CHST8: variants seen among roughly 807,000 people sequenced by gnomAD.
The protein encoded by CHST8 is GALNAC-4-ST1.
CHST8 carries 10 observed loss-of-function variants against 15.0 expected under a neutral mutation model. That is an observed-to-expected ratio of 0.67 (90% confidence interval 0.41 to 1.13). The LOEUF is 1.13. Among genes scored for constraint, CHST8 ranks in the 50% most tolerant of loss-of-function variants. The pLI, the probability that CHST8 is intolerant of heterozygous loss-of-function variation, is 0.00. For missense variants in CHST8, 634 were observed against 608.2 expected (o/e 1.04, Z -0.45); for synonymous variants, 259 against 256.6 (o/e 1.01, Z -0.09).
chr19:33,750,916 C>T (rs891017128), intron 3 of CHST8, among the ~76,000 whole-genome samples: 2 of 151,858 alleles, frequency 1.3e-5, no homozygotes, highest in Admixed American at 6.6e-5. Flanking sequence ...CCACCCAGCC[C>T]TGCAACCCTC....
At chr19:33,699,816 G>A (rs868731887) in intron 3 of CHST8, among the ~76,000 whole-genome samples, 1 of 152,154 alleles carries the variant, frequency 6.6e-6, no homozygotes, top group Non-Finnish European at 1.5e-5. Flanking sequence ...CAGAAGGTCT[G>A]TCCAGCTCCT....
chr19:33,644,213 A>G (rs886294375), intron 1 of CHST8, among the ~76,000 whole-genome samples: 2 of 152,154 alleles, frequency 1.3e-5, no homozygotes, highest in Non-Finnish European at 2.9e-5. Context: ...GATTACAGGC[A>G]TGAGCCAGTG....
At chr19:33,653,367 A>G (rs898011693) in intron 1 of CHST8, among the ~76,000 whole-genome samples, 2 of 152,070 alleles carry the variant, frequency 1.3e-5, no homozygotes, top group Admixed American at 1.3e-4. Flanking sequence ...TTTGTGTATA[A>G]TGTCTTTCTC....
chr19:33,722,802 C>T (rs1203951289), intron 3 of CHST8, among the ~76,000 whole-genome samples: 1 of 152,220 alleles, frequency 6.6e-6, no homozygotes, highest in African/African-American at 2.4e-5. Context: ...TCTCTTTTCT[C>T]CCTGCTTTGA....
chr19:33,640,862 G>A (rs1972274715), intron 1 of CHST8, among the ~76,000 whole-genome samples: 1 of 152,116 alleles, frequency 6.6e-6, no homozygotes, highest in East Asian at 1.9e-4. Context: ...CTCTGCCCAG[G>A]TGTGGGGGCT....
chr19:33,694,168 TCATATATATATATA>T (rs1456563996), intron 3 of CHST8, among the ~76,000 whole-genome samples: 3 of 42,954 alleles, frequency 7.0e-5, no homozygotes, highest in Admixed American at 2.8e-4. Flanking sequence ...TGTAGTTTAT[TCATATATATATATA>T]TATATATATA....
At chr19:33,756,366 C>T (rs780617701) in intron 3 of CHST8, among the ~76,000 whole-genome samples, 7 of 152,176 alleles carry the variant, frequency 4.6e-5, no homozygotes, top group African/African-American at 1.4e-4. Context: ...CCTCCCAAAC[C>T]GAGGTATGTG....
At chr19:33,672,030 T>G (rs1280754426) in intron 2 of CHST8, among the ~76,000 whole-genome samples, 3 of 152,252 alleles carry the variant, frequency 2.0e-5, no homozygotes, top group East Asian at 1.9e-4. Flanking sequence ...TGTGTATGTA[T>G]GTATATATAT....
chr19:33,769,630 T>C (rs36001686), intron 3 of CHST8, among the ~76,000 whole-genome samples: 16,957 of 151,570 alleles, frequency 0.11, 1,106 homozygotes, highest in Admixed American at 0.16. Flanking sequence ...AGGAGGGAAA[T>C]AGACTCTGGG....
chr19:33,719,232 C>T (rs561919609), intron 3 of CHST8, among the ~76,000 whole-genome samples: 3 of 138,782 alleles, frequency 2.2e-5, no homozygotes, highest in African/African-American at 7.9e-5. Context: ...AGGCAAATAC[C>T]TTCTGTCAGC....
At chr19:33,757,447 AAAG>A in intron 3 of CHST8, among the ~76,000 whole-genome samples, 1 of 30,378 alleles carries the variant, frequency 3.3e-5, no homozygotes, top group Non-Finnish European at 6.9e-5. Flanking sequence ...AGAAAGAAAG[AAAG>A]AAAGAAAGAA....
chr19:33,740,468 G>A (rs77586125), intron 3 of CHST8, among the ~76,000 whole-genome samples: 1 of 152,218 alleles, frequency 6.6e-6, no homozygotes, highest in Non-Finnish European at 1.5e-5. Flanking sequence ...GACAAAGACA[G>A]CTTGCTGGAC....
chr19:33,716,812 C>T (rs1158197135), intron 3 of CHST8, among the ~76,000 whole-genome samples: 2 of 152,170 alleles, frequency 1.3e-5, no homozygotes, highest in Non-Finnish European at 2.9e-5. Context: ...GCTTAAACAA[C>T]AGAAATGTGT....
Position 33,679,947 on chromosome 19 carries a change from AG to A in CHST8, c.-86-9224del, listed in dbSNP as rs776457699. On this transcript the variant is annotated intron_variant, in intron 2 of 4. Coordinates refer to ENST00000650847, the MANE Select transcript of CHST8 (RefSeq NM_001127895.2). ...GCAACCCACATCCAGCTACTGAGTA[AG>A]GGGGAGGTGTAAGGGTCCAGCCCTA... Among the ~76,000 whole-genome samples, 5 of 152,142 alleles carry A rather than the reference AG, an allele frequency of 3.3e-5. 1 individual carries two copies. The highest frequency in any genetic ancestry group is 7.4e-5 in the Non-Finnish European group (5 of 68,020).
intron 1 of CHST8, among the ~76,000 whole-genome samples, 151 bp from the exon 2 acceptor site, chr19:33,667,616 C>T (rs1234109874): frequency 6.6e-6 from 1 of 152,090 alleles, no homozygotes; most frequent in African/African-American, 2.4e-5. Flanking sequence ...CTCCATTGAG[C>T]GAATGCATTA....
intron 1 of CHST8, among the ~76,000 whole-genome samples, chr19:33,656,826 G>C (rs1972515091): frequency 6.6e-6 from 1 of 151,980 alleles, no homozygotes; most frequent in South Asian, 2.1e-4. Flanking sequence ...GACATGTGTG[G>C]TTAGTTTTTA....
intron 3 of CHST8, among the ~76,000 whole-genome samples, chr19:33,771,056 G>A (rs188297647): frequency 1.3e-5 from 2 of 152,268 alleles, no homozygotes; most frequent in African/African-American, 2.4e-5. Context: ...ATGACATGGT[G>A]GGGTGCAGGA....
chr19:33,741,996 C>T (rs1449056246), intron 3 of CHST8, among the ~76,000 whole-genome samples: 1 of 152,078 alleles, frequency 6.6e-6, no homozygotes, highest in East Asian at 1.9e-4. Context: ...CCTATGTGCC[C>T]TCACTGTATC....
intron 1 of CHST8, among the ~76,000 whole-genome samples, chr19:33,634,698 A>C (rs983654568): frequency 7.5e-5 from 9 of 119,624 alleles, no homozygotes; most frequent in South Asian, 2.7e-4. Flanking sequence ...AAAAAAAAAA[A>C]AAAGCATGGA....
Sources: allele counts gnomAD v4.1 joint callset (sites outside exome capture counted in the v4.1 genomes callset), GRCh38; gene constraint gnomAD v4.1.1; transcripts MANE v1.5; gene names NCBI Gene and HGNC (gene_info 2026-07-23, HGNC 2026-07-21).